ST3GAL6: variants seen among roughly 807,000 people sequenced by gnomAD.
The protein encoded by ST3GAL6 is type 2 lactosamine alpha-2,3-sialyltransferase.
Under a neutral mutation model 40.5 loss-of-function variants are expected in ST3GAL6, and 31 were observed. The ratio of observed to expected loss-of-function variants is 0.77; its 90% CI spans 0.58 to 1.03. ST3GAL6 has a LOEUF of 1.03. ST3GAL6 is among the 50% of genes least tolerant of loss of function. The probability of loss-of-function intolerance (pLI) is 0.00; values close to 1 mark genes in which losing one functional copy is unlikely to be tolerated. For missense variants in ST3GAL6, 357 were observed against 393.2 expected, an observed-to-expected ratio of 0.91 and a Z score of 0.78; for synonymous variants, 129 against 136.9, an observed-to-expected ratio of 0.94 and a Z score of 0.40.
intron 1 of ST3GAL6, among the ~76,000 whole-genome samples, chr3:98,736,011 A>C (rs1020704369): frequency 1.3e-5 from 2 of 152,232 alleles, no homozygotes; most frequent in Non-Finnish European, 2.9e-5. Flanking sequence ...CAGTGAGGTT[A>C]TGAAAGTAAA....
chr3:98,762,686 T>C, upstream of ST3GAL6: 1 of 598,844 alleles, frequency 1.7e-6, no homozygotes, highest in Non-Finnish European at 2.1e-6. Context: ...TTTTAAAAGA[T>C]ATTATTAAAT....
intron 9 of ST3GAL6, among the ~76,000 whole-genome samples, chr3:98,793,457 G>C (rs1941376969): frequency 6.6e-6 from 1 of 152,210 alleles, no homozygotes; most frequent in Non-Finnish European, 1.5e-5. Context: ...ACTTATGTGA[G>C]AGTTGAAATG....
chr3:98,734,551 A>G (rs1250232865), intron 1 of ST3GAL6, among the ~76,000 whole-genome samples: 1 of 152,114 alleles, frequency 6.6e-6, no homozygotes, highest in Non-Finnish European at 1.5e-5. Context: ...TTGTATTTTT[A>G]CTATAGTTCC....
chr3:98,741,051 A>T (rs28707457), intron 1 of ST3GAL6, among the ~76,000 whole-genome samples: 44,516 of 145,112 alleles, frequency 0.31, 6,941 homozygotes, highest in South Asian at 0.42. Flanking sequence ...AGAGGGATTC[A>T]GTGTGTGTGT....
chr3:98,773,833 GT>G, intron 4 of ST3GAL6, 86 bp from the exon 5 acceptor site: 1 of 1,041,372 alleles, frequency 9.6e-7, no homozygotes, highest in Admixed American at 1.9e-5. Context: ...TTGGAAATGG[GT>G]TTGTGTGGGA....
intron 1 of ST3GAL6, among the ~76,000 whole-genome samples, chr3:98,756,983 T>A (rs2107370099): frequency 6.6e-6 from 1 of 152,348 alleles, no homozygotes. Flanking sequence ...GTTCTCTGTC[T>A]TTAAGTGCAA....
chr3:98,785,201 A>C (rs1480013204), intron 6 of ST3GAL6, among the ~76,000 whole-genome samples, 161 bp downstream of exon 6: 1 of 151,890 alleles, frequency 6.6e-6, no homozygotes, highest in East Asian at 1.9e-4. Context: ...TTAGACCTAG[A>C]TTTCAGGTTA....
At chr3:98,787,824 A>G (rs755580660) in intron 6 of ST3GAL6, among the ~76,000 whole-genome samples, 10 of 152,238 alleles carry the variant, frequency 6.6e-5, no homozygotes, top group Non-Finnish European at 1.2e-4. Flanking sequence ...TCAAATACAA[A>G]TGAACATTTC....
intron 1 of ST3GAL6, among the ~76,000 whole-genome samples, chr3:98,749,597 A>T (rs909438640): frequency 6.6e-6 from 1 of 152,262 alleles, no homozygotes; most frequent in African/African-American, 2.4e-5. Context: ...TTGGCATAAT[A>T]AGTATTTGAA....
chr3:98,788,312 T>C lies in ST3GAL6; in HGVS notation c.619-14T>C. ...CAGCCACACTGTTCTATTCTCTATA[T>C]TTTTTACTTTCAGAACACTAATGGT... On this transcript the variant is annotated splice_polypyrimidine_tract_variant and intron_variant, in intron 7 of 9. Transcript: ENST00000483910. 1.2e-6 allele frequency: 2 copies of C among 1,600,648 alleles called. No homozygotes were observed. The highest frequency in any genetic ancestry group is 1.7e-6 in the Non-Finnish European group (2 of 1,175,242).
At chr3:98,779,401 A>G (rs1387590721) in intron 5 of ST3GAL6, among the ~76,000 whole-genome samples, 2 of 152,188 alleles carry the variant, frequency 1.3e-5, no homozygotes, top group Non-Finnish European at 2.9e-5. Context: ...CACATGGGGT[A>G]ATGGGTGTTG....
intron 3 of ST3GAL6, chr3:98,771,167 CA>C: frequency 6.8e-7 from 1 of 1,478,056 alleles, no homozygotes; most frequent in Non-Finnish European, 9.0e-7. Flanking sequence ...GGAACTCAAT[CA>C]AACCAGTATT....
At chr3:98,733,691 C>A in intron 1 of ST3GAL6, 6 of 736,474 alleles carry the variant, frequency 8.1e-6, no homozygotes, top group Non-Finnish European at 1.0e-5. Flanking sequence ...CCGGCAATCT[C>A]AAGCCTCTTT....
At chr3:98,735,944 G>A (rs1935509996) in intron 1 of ST3GAL6, among the ~76,000 whole-genome samples, 1 of 152,196 alleles carries the variant, frequency 6.6e-6, no homozygotes, top group Admixed American at 6.5e-5. Context: ...CAGTGTCTCA[G>A]ACTTGGTCAG....
intron 8 of ST3GAL6, among the ~76,000 whole-genome samples, chr3:98,789,868 A>C (rs1941050266): frequency 6.6e-6 from 1 of 152,210 alleles, no homozygotes; most frequent in Non-Finnish European, 1.5e-5. Flanking sequence ...TGACATTAGA[A>C]CTAGCTGTAG....
chr3:98,759,201 G>A (rs1026030053), upstream of ST3GAL6, among the ~76,000 whole-genome samples: 2 of 152,232 alleles, frequency 1.3e-5, no homozygotes, highest in African/African-American at 2.4e-5. Context: ...AGAAAGATTA[G>A]AGATCATTGC....
chr3:98,762,283 T>G (rs1937870284), upstream of ST3GAL6, among the ~76,000 whole-genome samples: 1 of 152,208 alleles, frequency 6.6e-6, no homozygotes. Flanking sequence ...TCAGTCAAAA[T>G]GTATACAGCT....
At chr3:98,769,059 G>A in intron 2 of ST3GAL6, among the ~76,000 whole-genome samples, 1 of 152,152 alleles carries the variant, frequency 6.6e-6, no homozygotes, top group Non-Finnish European at 1.5e-5. Flanking sequence ...CCTTCTCATT[G>A]TCAGTCCTTT....
chr3:98,782,375 C>T lies in ST3GAL6; in HGVS notation c.336-2570C>T, dbSNP rs779522320. The T allele has an allele frequency of 1.2e-3, 829 of 683,038 alleles. 10 individuals carry two copies. The highest frequency in any genetic ancestry group is 3.1e-4 in the Non-Finnish European group (116 of 376,770). 42.3% of individuals were successfully genotyped at this position (683,038 alleles called of 1,614,324 possible). A position where few individuals can be genotyped will look rare whatever the true frequency, so the allele number is the denominator to read the frequency against. On this transcript the variant is annotated intron_variant, in intron 5 of 9. Coordinates refer to ENST00000483910, the MANE Select transcript of ST3GAL6 (RefSeq NM_001323368.2). The stretch of plus-strand genomic sequence containing the variant: ...TAGGGAAAATATCAGCAATATGATG[C>T]CCTTGGAAGCTCAGAAAAAAGTCAA...
Sources: gnomAD v4.1 joint callset for allele counts (sites outside exome capture counted in the v4.1 genomes callset) on GRCh38, gnomAD v4.1.1 for gene constraint, MANE v1.5 for transcripts, NCBI Gene and HGNC (gene_info 2026-07-23, HGNC 2026-07-21) for gene names.